KCNJ3: variants seen among roughly 807,000 people sequenced by gnomAD.
KCNJ3 encodes potassium inwardly rectifying channel subfamily J member 3.
In KCNJ3, 4 loss-of-function variants were observed where a neutral mutation model predicts 39.2. That is an observed-to-expected ratio of 0.10 (90% CI 0.05 to 0.23). The LOEUF is 0.23. Ranked by LOEUF, KCNJ3 falls within the 10% of genes least tolerant of loss-of-function variation. The pLI, the probability that KCNJ3 is intolerant of heterozygous loss-of-function variation, is 1.00. For synonymous variants in KCNJ3, 230 were observed against 237.4 expected (o/e 0.97, Z 0.29); for missense variants, 276 against 634.9 (o/e 0.43, Z 6.08).
At chr2:154,717,230 A>T (rs774279097) in intron 2 of KCNJ3, among the ~76,000 whole-genome samples, 3 of 152,150 alleles carry the variant, frequency 2.0e-5, no homozygotes, top group Non-Finnish European at 4.4e-5. Flanking sequence ...ATAATTTGGT[A>T]TGATGAGAGT....
intron 2 of KCNJ3, among the ~76,000 whole-genome samples, chr2:154,835,008 A>T: frequency 6.9e-6 from 1 of 145,876 alleles, no homozygotes; most frequent in East Asian, 2.0e-4. Context: ...TTCTCTTCCT[A>T]TTTTTTTTTT....
At chr2:154,799,476 G>A (rs1269395496) in intron 2 of KCNJ3, among the ~76,000 whole-genome samples, 1 of 152,158 alleles carries the variant, frequency 6.6e-6, no homozygotes, top group Non-Finnish European at 1.5e-5. Context: ...GAAGGAGGAG[G>A]GGTGGTGGGG....
intron 2 of KCNJ3, among the ~76,000 whole-genome samples, chr2:154,785,998 A>C (rs1382419551): frequency 6.6e-6 from 1 of 152,204 alleles, no homozygotes; most frequent in Non-Finnish European, 1.5e-5. Flanking sequence ...ACCTGTGACT[A>C]AATGTCTGGG....
intron 2 of KCNJ3, among the ~76,000 whole-genome samples, chr2:154,787,316 T>G (rs1210543258): frequency 6.6e-6 from 1 of 152,168 alleles, no homozygotes; most frequent in African/African-American, 2.4e-5. Context: ...AAAATTAATT[T>G]TCAGTCTTTT....
At chr2:154,719,460 A>T (rs1685231304) in intron 2 of KCNJ3, among the ~76,000 whole-genome samples, 1 of 152,158 alleles carries the variant, frequency 6.6e-6, no homozygotes, top group Admixed American at 6.5e-5. Context: ...CAAGAGTATG[A>T]ATTAAAATGC....
chr2:154,721,893 C>T (rs549750595), intron 2 of KCNJ3, among the ~76,000 whole-genome samples: 48 of 152,180 alleles, frequency 3.2e-4, no homozygotes, highest in Non-Finnish European at 2.4e-4. Context: ...CTTATTCCAG[C>T]GTTCTTCTCA....
chr2:154,809,321 A>G (rs1457497715), intron 2 of KCNJ3, among the ~76,000 whole-genome samples: 1 of 152,212 alleles, frequency 6.6e-6, no homozygotes, highest in Non-Finnish European at 1.5e-5. Context: ...GAGGTTTTCC[A>G]TTAATGCTGA....
At chr2:154,786,475 G>A (rs570908293) in intron 2 of KCNJ3, among the ~76,000 whole-genome samples, 1 of 152,276 alleles carries the variant, frequency 6.6e-6, no homozygotes, top group South Asian at 2.1e-4. Flanking sequence ...CACCAAAGCT[G>A]TATAAATTAA....
At chr2:154,738,365 TG>T (rs1161236375) in intron 2 of KCNJ3, among the ~76,000 whole-genome samples, 1 of 152,074 alleles carries the variant, frequency 6.6e-6, no homozygotes, top group African/African-American at 2.4e-5. Context: ...CACAATAGGA[TG>T]ACTACAGTCA....
intron 2 of KCNJ3, among the ~76,000 whole-genome samples, chr2:154,753,181 T>C (rs975668328): frequency 5.3e-5 from 8 of 152,112 alleles, no homozygotes; most frequent in African/African-American, 1.7e-4. Flanking sequence ...TTGCTAAAAC[T>C]ATAATTATAA....
intron 2 of KCNJ3, among the ~76,000 whole-genome samples, chr2:154,747,231 A>G (rs1424254408): frequency 6.6e-6 from 1 of 152,140 alleles, no homozygotes; most frequent in South Asian, 2.1e-4. Flanking sequence ...CCTTTAAGCT[A>G]TTAACAATTA....
At chr2:154,802,187 A>C (rs1686831469) in intron 2 of KCNJ3, among the ~76,000 whole-genome samples, 1 of 150,184 alleles carries the variant, frequency 6.7e-6, no homozygotes, top group African/African-American at 2.5e-5. Context: ...GGATTTGGGG[A>C]GTTTTTTTTT....
chr2:154,852,015 T>G lies in KCNJ3; in HGVS notation c.920-2712T>G, dbSNP rs538352136. 2.0e-4 allele frequency among the ~76,000 whole-genome samples: 31 copies of G among 152,318 alleles called. 1 individual carries two copies. The East Asian group carries it at 3.3e-3, about 16-fold the overall frequency. On this transcript the variant is annotated intron_variant, in intron 2 of 2. Transcript: ENST00000295101. ...AAATTTTACTTCAAAATTTACTTTG[T>G]GATTGTTAGAAATAATTGAACAGAC...
At chr2:154,720,780 T>A (rs897503352) in intron 2 of KCNJ3, among the ~76,000 whole-genome samples, 6 of 152,150 alleles carry the variant, frequency 3.9e-5, no homozygotes, top group Non-Finnish European at 8.8e-5. Flanking sequence ...CGTATGTGTA[T>A]GTGTATGAGC....
At chr2:154,834,497 C>T (rs190117211) in intron 2 of KCNJ3, among the ~76,000 whole-genome samples, 99 of 152,164 alleles carry the variant, frequency 6.5e-4, no homozygotes, top group African/African-American at 2.3e-3. Flanking sequence ...TTTGGGCTGC[C>T]GAGGCGGGTG....
intron 2 of KCNJ3, among the ~76,000 whole-genome samples, chr2:154,819,844 T>C (rs965771755): frequency 6.6e-6 from 1 of 151,938 alleles, no homozygotes; most frequent in African/African-American, 2.4e-5. Flanking sequence ...ACTATTATTA[T>C]ATATAACAAA....
At position 154,698,717 on chromosome 2, in the gene KCNJ3, G is replaced by T; in HGVS notation, c.-59G>T. ...CCCACCTCCTTATTGGTGCTAGTTT[G>T]CAGCGCCCAGCTCCTGCGCCTTCGC... On this transcript the variant is annotated 5_prime_UTR_variant, in exon 1 of 3. Coordinates refer to ENST00000295101, the MANE Select transcript of KCNJ3 (RefSeq NM_002239.4). 2.3e-4 allele frequency: 105 copies of T among 461,014 alleles called. No individual in the cohort carries two copies. The highest frequency in any genetic ancestry group is 3.5e-4 in the Non-Finnish European group (89 of 251,724). The allele number at this position is 461,014 out of a possible 1,614,324, so 28.6% of individuals were successfully genotyped here. A position where few individuals can be genotyped will look rare whatever the true frequency, so the allele number is the denominator to read the frequency against.
chr2:154,813,884 A>G (rs1160289824), intron 2 of KCNJ3, among the ~76,000 whole-genome samples: 1 of 152,226 alleles, frequency 6.6e-6, no homozygotes, highest in African/African-American at 2.4e-5. Flanking sequence ...ACTGAACCAG[A>G]GATAAATGCA....
Position 154,855,076 on chromosome 2 carries a change from T to C in KCNJ3, c.1269T>C (p.Thr423=). ...AACTCTTGAGGATGAGTTCTACAAC[T>C]TCAGAAAAAGCCTACAGCTTGGGAG... ...PKKLLRMSST[T]SEKAYSLGDL... Residue 423 remains threonine (T), a synonymous_variant, in exon 3 of 3, where the codon ACT becomes ACC. Coordinates refer to ENST00000295101, the MANE Select transcript of KCNJ3 (RefSeq NM_002239.4). The C allele has an allele frequency of 6.2e-7, 1 of 1,614,040 alleles. No individual in the cohort carries two copies. The highest frequency in any genetic ancestry group is 1.1e-5 in the South Asian group (1 of 91,082).
Sources: allele counts gnomAD v4.1 joint callset (sites outside exome capture counted in the v4.1 genomes callset), GRCh38; gene constraint gnomAD v4.1.1; transcripts MANE v1.5; gene names NCBI Gene and HGNC (gene_info 2026-07-23, HGNC 2026-07-21).